AK8: variants seen among roughly 807,000 people sequenced by gnomAD.
AK8 encodes ATP-AMP transphosphorylase 8.
Under a neutral mutation model 54.6 loss-of-function variants are expected in AK8, and 44 were observed. That is an observed-to-expected ratio of 0.81 (90% CI 0.63 to 1.04). The LOEUF is 1.04. AK8 is among the 50% of genes least tolerant of loss of function. AK8 has a pLI of 0.00. For synonymous variants in AK8, 239 were observed against 245.6 expected, an observed-to-expected ratio of 0.97 and a Z score of 0.25; for missense variants, 555 against 613.6, an observed-to-expected ratio of 0.90 and a Z score of 1.01.
chr9:132,754,759 G>A (rs1838105075), intron 11 of AK8, among the ~76,000 whole-genome samples: 2 of 151,634 alleles, frequency 1.3e-5, no homozygotes, highest in Admixed American at 1.3e-4. Context: ...TAAAGAAAAA[G>A]GCCTTACAGC....
At chr9:132,873,472 T>G (rs1205893584) in intron 2 of AK8, among the ~76,000 whole-genome samples, 1 of 152,248 alleles carries the variant, frequency 6.6e-6, no homozygotes, top group African/African-American at 2.4e-5. Flanking sequence ...TGTGCTGCAC[T>G]GCACTTTCCA....
intron 8 of AK8, among the ~76,000 whole-genome samples, chr9:132,823,997 G>A (rs1425939169): frequency 2.0e-5 from 3 of 152,228 alleles, no homozygotes; most frequent in Non-Finnish European, 2.9e-5. Flanking sequence ...GCCCTGGCCT[G>A]TGGTGTGCCC....
At chr9:132,747,899 G>T (rs1590189793) in intron 11 of AK8, among the ~76,000 whole-genome samples, 1 of 150,904 alleles carries the variant, frequency 6.6e-6, no homozygotes. Context: ...GGGAGTTCGA[G>T]ACCAGCCTGG....
At chr9:132,754,800 G>GTTTT (rs1239318902) in intron 11 of AK8, among the ~76,000 whole-genome samples, 2 of 139,352 alleles carry the variant, frequency 1.4e-5, no homozygotes, top group Non-Finnish European at 3.2e-5. Flanking sequence ...TTGTTTTTTG[G>GTTTT]TTTTTTTTTT....
intron 9 of AK8, among the ~76,000 whole-genome samples, chr9:132,820,619 A>G (rs1375421093): frequency 1.3e-5 from 2 of 152,250 alleles, no homozygotes; most frequent in Admixed American, 1.3e-4. Flanking sequence ...TTGCGCAGTT[A>G]GTGCTTTAAC....
At chr9:132,868,724 G>A (rs1843694899) in intron 2 of AK8, among the ~76,000 whole-genome samples, 1 of 152,198 alleles carries the variant, frequency 6.6e-6, no homozygotes, top group Non-Finnish European at 1.5e-5. Flanking sequence ...GAACTGTGAG[G>A]AGCCACACAC....
rs550424599 is a variant in AK8, at chr9:132,748,711, C to T, written c.1122-21177G>A. Among the ~76,000 whole-genome samples the T allele has an allele frequency of 3.3e-5, 5 of 151,798 alleles. No individual in the cohort carries two copies. The South Asian group carries it at 1.0e-3, about 32-fold the overall frequency. ...TGCCCGTGGTACTTGGGGTTGATCT[C>T]GATATTAAAAGATGCAAATATGTAC... On this transcript the variant is annotated intron_variant, in intron 11 of 12. Transcript: ENST00000298545.
At chr9:132,859,388 C>T (rs915894309) in intron 4 of AK8, among the ~76,000 whole-genome samples, 1 of 152,118 alleles carries the variant, frequency 6.6e-6, no homozygotes, top group African/African-American at 2.4e-5. Context: ...AGGCGCCCCC[C>T]ACCATGCCCA....
intron 11 of AK8, among the ~76,000 whole-genome samples, chr9:132,776,458 C>T (rs575855640): frequency 1.3e-5 from 2 of 152,318 alleles, no homozygotes; most frequent in African/African-American, 4.8e-5. Context: ...TCAGAGTGTG[C>T]TGATGCTGAG....
intron 5 of AK8, among the ~76,000 whole-genome samples, chr9:132,828,990 C>T (rs1449366402): frequency 1.4e-5 from 2 of 147,362 alleles, no homozygotes; most frequent in Admixed American, 6.8e-5. Context: ...GAGTTTCACT[C>T]TCGTTGCCCA....
chr9:132,748,937 C>A (rs575356589), intron 11 of AK8, among the ~76,000 whole-genome samples: 1 of 152,040 alleles, frequency 6.6e-6, no homozygotes, highest in Admixed American at 6.6e-5. Context: ...TGCAATGGCG[C>A]GATCTCGGCT....
At chr9:132,854,835 C>A in intron 5 of AK8, 22 bp downstream of exon 5, 2 of 1,613,864 alleles carry the variant, frequency 1.2e-6, no homozygotes, top group Non-Finnish European at 1.7e-6. Context: ...GCACTGAAAC[C>A]CCTAGCTCAC....
At chr9:132,848,115 CAAAAAAAAAAAA>C (rs796764891) in intron 5 of AK8, among the ~76,000 whole-genome samples, 8 of 52,538 alleles carry the variant, frequency 1.5e-4, no homozygotes, top group African/African-American at 3.6e-4. Flanking sequence ...CACCCTGTTT[CAAAAAAAAAAAA>C]AAAAAAAAAA....
At chr9:132,854,076 C>T (rs1476454224) in intron 5 of AK8, among the ~76,000 whole-genome samples, 1 of 152,068 alleles carries the variant, frequency 6.6e-6, no homozygotes, top group Non-Finnish European at 1.5e-5. Flanking sequence ...TGATGCATGC[C>T]TGTAGTCCCA....
chr9:132,757,658 G>A (rs951953591), intron 11 of AK8, among the ~76,000 whole-genome samples: 1 of 152,216 alleles, frequency 6.6e-6, no homozygotes, highest in Admixed American at 6.5e-5. Flanking sequence ...CAACCGCAGA[G>A]GTGGATCTGG....
Position 132,725,824 on chromosome 9 carries a change from A to G in AK8, c.1304T>C (p.Leu435Pro), listed in dbSNP as rs1450606829. 6.2e-7 allele frequency: 1 copy of G among 1,607,948 alleles called. No individual in the cohort carries two copies. The highest frequency in any genetic ancestry group is 1.1e-5 in the South Asian group (1 of 89,270). The part of the protein sequence containing the change: ...AEEQVKLKMD[L>P]FYRNSADLEQ... The stretch of plus-strand genomic sequence containing the variant: ...CAAGTCAGCTGAGTTCCTGTAGAAC[A>G]GGTCCATTTTCAGCTTGACCTGCTC... Residue 435 changes from leucine to proline, a missense_variant, in exon 13 of 13, where the codon CTG (leucine) becomes CCG (proline). Leu to Pro is a moderately conservative substitution (Grantham distance 98). Coordinates refer to ENST00000298545, the MANE Select transcript of AK8 (RefSeq NM_152572.3).
intron 6 of AK8, 87 bp from the exon 7 acceptor site, chr9:132,828,171 C>A: frequency 8.0e-7 from 1 of 1,244,630 alleles, no homozygotes. Flanking sequence ...ACTTGCTTTA[C>A]GTTTTTTGCT....
chr9:132,728,738 C>T (rs1836689582), intron 11 of AK8, among the ~76,000 whole-genome samples: 1 of 152,092 alleles, frequency 6.6e-6, no homozygotes, highest in Non-Finnish European at 1.5e-5. Flanking sequence ...GCAGGACACT[C>T]CTGCTAATAA....
rs971705635 is a variant in AK8 at position 132,814,514 on chromosome 9, C to T, written c.979+124G>A. On this transcript the variant is annotated intron_variant, in intron 10 of 12. Transcript: ENST00000298545. ...AGCAGAGCCTTTGCTTACAAGAAAA[C>T]CCAATTTCCATTTCCCGGCTGTTCT... The T allele has an allele frequency of 9.6e-6, 9 of 939,300 alleles. No homozygotes were observed. The African/African-American group carries it at 1.4e-4, about 14-fold the overall frequency. 58.2% of individuals were successfully genotyped at this position (939,300 alleles called of 1,614,324 possible).
Sources: allele counts gnomAD v4.1 joint callset (sites outside exome capture counted in the v4.1 genomes callset), GRCh38; gene constraint gnomAD v4.1.1; transcripts MANE v1.5; gene names NCBI Gene and HGNC (gene_info 2026-07-23, HGNC 2026-07-21).